The following CSN1S1 variants were observed in gnomAD, a reference collection of about 807,000 sequenced individuals.
CSN1S1 encodes casein alpha s1.
A neutral mutation model predicts 49.1 loss-of-function variants in CSN1S1; 63 were observed. The ratio of observed to expected loss-of-function variants is 1.28; its 90% CI spans 1.05 to 1.58. CSN1S1 has a LOEUF of 1.58. Among genes scored for constraint, CSN1S1 ranks in the 40% most tolerant of loss-of-function variants. The probability of loss-of-function intolerance (pLI) is 0.00; values close to 1 mark genes in which losing one functional copy is unlikely to be tolerated. For missense variants in CSN1S1, 260 were observed against 224.7 expected (o/e 1.16, Z -1.01); for synonymous variants, 78 against 67.1 (o/e 1.16, Z -0.79).
chr4:69,935,615 C>A (rs192120007), intron 4 of CSN1S1, among the ~76,000 whole-genome samples: 5 of 151,974 alleles, frequency 3.3e-5, no homozygotes, highest in African/African-American at 7.2e-5. Context: ...ATCCAAACAC[C>A]CAGAAAGAAT....
intron 5 of CSN1S1, 80 bp downstream of exon 5, chr4:69,936,029 C>A: frequency 9.2e-7 from 1 of 1,090,466 alleles, no homozygotes; most frequent in Non-Finnish European, 1.3e-6. Context: ...AGAACAGTGC[C>A]TAAAACAAAG....
chr4:69,941,702 A>T (rs1722971292), intron 12 of CSN1S1, among the ~76,000 whole-genome samples: 1 of 151,942 alleles, frequency 6.6e-6, no homozygotes, highest in South Asian at 2.1e-4. Context: ...AATGAATTTA[A>T]TATGGACCCT....
Position 69,942,049 on chromosome 4 carries a change from G to A in CSN1S1, c.346G>A (p.Ala116Thr). 6.8e-7 allele frequency: 1 copy of A among 1,470,354 alleles called. No individual in the cohort carries two copies. Among genetic ancestry groups the A allele is most frequent in the Non-Finnish European group, 9.2e-7 (1 of 1,089,468 alleles). The allele number at this position is 1,470,354 out of a possible 1,614,324, so 91.1% of individuals were successfully genotyped here. The change falls in exon 13 of 16, where the codon GCT becomes ACT. Residue 116 changes from alanine to threonine, a missense_variant. Coordinates refer to ENST00000246891, the MANE Select transcript of CSN1S1 (RefSeq NM_001890.2). ...CAGAATGTTTTCTCCTCCCTAGCAA[G>A]CTGCCCATGCCCAGGTGAGATTATT... is the stretch of plus-strand genomic sequence containing the variant. The part of the protein sequence containing the change: ...LNEYNQLQLQ[A>T]AHAQEQIRRM...
chr4:69,932,451 A>C (rs1202964033), intron 1 of CSN1S1, 93 bp from the exon 2 acceptor site: 3 of 1,052,064 alleles, frequency 2.9e-6, no homozygotes, highest in Non-Finnish European at 4.3e-6. Context: ...TTTTATCATA[A>C]TTTGCTCCTT....
rs115555185 is a variant in CSN1S1, at chr4:69,937,741, A to G, written c.220-59A>G. 1,397 of 1,287,766 alleles carry G rather than the reference A, an allele frequency of 1.1e-3. 19 individuals are homozygous for G. The African/African-American group carries it at 0.019, about 17-fold the overall frequency. 79.8% of individuals were successfully genotyped at this position (1,287,766 alleles called of 1,614,324 possible). A position where few individuals can be genotyped will look rare whatever the true frequency, so the allele number is the denominator to read the frequency against. On this transcript the variant is annotated intron_variant, in intron 8 of 15. Coordinates refer to ENST00000246891, the MANE Select transcript of CSN1S1 (RefSeq NM_001890.2). ...ACATCCATTTTATTTGGTAATCATTACTTTTGTATTTGACTATTTGTCATG... is the reference window on the plus strand; with the variant it reads ...ACATCCATTTTATTTGGTAATCATTGCTTTTGTATTTGACTATTTGTCATG...
At chr4:69,935,888 A>G (rs1483636830) in intron 4 of CSN1S1, 38 bp from the exon 5 acceptor site, 3 of 1,313,836 alleles carry the variant, frequency 2.3e-6, no homozygotes, top group East Asian at 2.5e-5. Flanking sequence ...AGATAACTCA[A>G]CTATGAATGA....
chr4:69,933,732 G>T (rs1328419887), intron 2 of CSN1S1, among the ~76,000 whole-genome samples: 1 of 151,910 alleles, frequency 6.6e-6, no homozygotes, highest in African/African-American at 2.4e-5. Context: ...CACTCAAAAT[G>T]CAGAATGAGA....
intron 1 of CSN1S1, among the ~76,000 whole-genome samples, chr4:69,931,808 C>T (rs1335149748): frequency 1.3e-5 from 2 of 151,644 alleles, no homozygotes; most frequent in African/African-American, 2.4e-5. Context: ...CTCTGGAAAC[C>T]ATTTTCCCAG....
intron 2 of CSN1S1, among the ~76,000 whole-genome samples, 176 bp from the exon 3 acceptor site, chr4:69,934,036 T>TC (rs1178508635): frequency 6.6e-6 from 1 of 151,752 alleles, no homozygotes; most frequent in Non-Finnish European, 1.5e-5. Context: ...AATTATGATT[T>TC]CTTTTTTTTT....
chr4:69,939,160 G>A lies in CSN1S1; in HGVS notation c.244-16G>A, dbSNP rs773967927. 1.2e-5 allele frequency: 19 copies of A among 1,586,556 alleles called. No homozygotes were observed. Among genetic ancestry groups the A allele is most frequent in the Admixed American group, 1.7e-5 (1 of 58,596 alleles). On this transcript the variant is annotated splice_polypyrimidine_tract_variant and intron_variant, in intron 9 of 15. Coordinates refer to ENST00000246891, the MANE Select transcript of CSN1S1 (RefSeq NM_001890.2). ...AAATCCCAGGGGATAATTAACACTAGATTTCTTTCTTTTAGAAGATGGAAT... is the reference window on the plus strand; with the variant it reads ...AAATCCCAGGGGATAATTAACACTAAATTTCTTTCTTTTAGAAGATGGAAT...
At chr4:69,937,660 A>C in intron 8 of CSN1S1, 140 bp from the exon 9 acceptor site, 3 of 613,698 alleles carry the variant, frequency 4.9e-6, no homozygotes, top group Non-Finnish European at 8.3e-6. Context: ...TAAAGTAGGC[A>C]GTTTTTTTAG....
At chr4:69,937,662 T>A (rs1220860) in intron 8 of CSN1S1, 138 bp from the exon 9 acceptor site, 371,951 of 637,396 alleles carry the variant, frequency 0.58, 110,542 homozygotes, top group East Asian at 0.71. Context: ...AAGTAGGCAG[T>A]TTTTTTAGTT....
chr4:69,932,520 T>C, intron 1 of CSN1S1, 24 bp from the exon 2 acceptor site: 3 of 1,570,912 alleles, frequency 1.9e-6, no homozygotes, highest in African/African-American at 1.3e-5. Context: ...TATCTAACTC[T>C]TTCTTTTTTG....
intron 5 of CSN1S1, 55 bp from the exon 6 acceptor site, chr4:69,936,401 C>T: frequency 1.5e-6 from 2 of 1,304,516 alleles, no homozygotes; most frequent in Non-Finnish European, 2.2e-6. Context: ...TAGATTTCCA[C>T]TCATGTATGT....
intron 5 of CSN1S1, 58 bp from the exon 6 acceptor site, chr4:69,936,398 C>A: frequency 7.8e-7 from 1 of 1,276,026 alleles, no homozygotes; most frequent in South Asian, 1.3e-5. Flanking sequence ...TCATAGATTT[C>A]CACTCATGTA....
At chr4:69,942,239 C>T (rs937648064) in intron 13 of CSN1S1, among the ~76,000 whole-genome samples, 176 bp downstream of exon 13, 21 of 151,618 alleles carry the variant, frequency 1.4e-4, no homozygotes, top group Non-Finnish European at 2.2e-4. Context: ...TAATAAATAG[C>T]CATAAATAGA....
intron 4 of CSN1S1, 136 bp from the exon 5 acceptor site, chr4:69,935,790 T>A: frequency 4.5e-6 from 3 of 664,176 alleles, no homozygotes; most frequent in Non-Finnish European, 8.1e-6. Context: ...ATAATACATA[T>A]GTGTCACATT....
intron 11 of CSN1S1, 98 bp downstream of exon 11, chr4:69,940,142 C>G: frequency 3.7e-6 from 2 of 535,460 alleles, no homozygotes; most frequent in Non-Finnish European, 6.1e-6. Context: ...CACACACACA[C>G]ACACACACGG....
chr4:69,945,484 T>C (rs571633908), intron 15 of CSN1S1, among the ~76,000 whole-genome samples: 1 of 152,166 alleles, frequency 6.6e-6, no homozygotes, highest in South Asian at 2.1e-4. Flanking sequence ...TTATTTATTA[T>C]AATCCTGAGG....
Sources: gnomAD v4.1 joint callset for allele counts (sites outside exome capture counted in the v4.1 genomes callset) on GRCh38, gnomAD v4.1.1 for gene constraint, MANE v1.5 for transcripts, NCBI Gene and HGNC (gene_info 2026-07-23, HGNC 2026-07-21) for gene names.